GRB10: variants seen among roughly 807,000 people sequenced by gnomAD.
The protein encoded by GRB10 is growth factor receptor bound protein 10.
A neutral mutation model predicts 80.9 loss-of-function variants in GRB10; 20 were observed. That is an observed-to-expected ratio of 0.25 (90% CI 0.17 to 0.36). The LOEUF (loss-of-function observed/expected upper bound fraction) is 0.36, where lower values mean the gene tolerates loss of function less well. GRB10 is among the 10% of genes least tolerant of loss of function. GRB10 has a pLI of 1.00. For synonymous variants in GRB10, 291 were observed against 291.5 expected (o/e 1.00, Z 0.02); for missense variants, 548 against 747.7 (o/e 0.73, Z 3.12).
chr7:50,684,198 AGTCTAG>A (rs887437716), intron 5 of GRB10, among the ~76,000 whole-genome samples: 1 of 147,080 alleles, frequency 6.8e-6, no homozygotes, highest in Non-Finnish European at 1.5e-5. Context: ...CAAAGGCTAA[AGTCTAG>A]GACAAACTTC....
chr7:50,687,243 C>T (rs951214970), intron 5 of GRB10, among the ~76,000 whole-genome samples: 5 of 152,178 alleles, frequency 3.3e-5, no homozygotes, highest in Admixed American at 2.6e-4. Flanking sequence ...AAATGGATGG[C>T]ATGTGTCCAA....
chr7:50,659,748 T>C (rs1484604720), intron 7 of GRB10, among the ~76,000 whole-genome samples: 1 of 152,182 alleles, frequency 6.6e-6, no homozygotes, highest in East Asian at 1.9e-4. Context: ...AGAACATCCA[T>C]CCTTCAGTGG....
intron 7 of GRB10, among the ~76,000 whole-genome samples, chr7:50,657,113 C>T (rs1389280163): frequency 6.6e-6 from 1 of 152,148 alleles, no homozygotes; most frequent in Admixed American, 6.5e-5. Flanking sequence ...CTAAGAAACA[C>T]AGAAAATACT....
intron 2 of GRB10, among the ~76,000 whole-genome samples, chr7:50,767,017 T>G (rs1255037304): frequency 6.6e-6 from 1 of 152,180 alleles, no homozygotes; most frequent in African/African-American, 2.4e-5. Context: ...TATCATACAG[T>G]AGCACAAGAT....
In GRB10 at chr7:50,745,320, G is replaced by A. The variant is rs148690109; in HGVS notation, c.-47+10567C>T. On this transcript the variant is annotated intron_variant, in intron 3 of 18. Transcript: ENST00000401949. ...TTAATATTTTTCTAAATTCATTAAA[G>A]ATTTGTTTCTACCTTTGGAATCCTT... is the stretch of plus-strand genomic sequence containing the variant. 1.2e-4 allele frequency among the ~76,000 whole-genome samples: 18 copies of A among 152,296 alleles called. No homozygotes were observed. The East Asian group carries it at 3.5e-3, about 29-fold the overall frequency.
chr7:50,716,789 C>T (rs553697181), intron 4 of GRB10, among the ~76,000 whole-genome samples: 20 of 152,322 alleles, frequency 1.3e-4, no homozygotes, highest in East Asian at 3.9e-4. Context: ...CCTCGCCCAA[C>T]GGCTGGCGTG....
chr7:50,646,907 G>T (rs993856378), intron 7 of GRB10, among the ~76,000 whole-genome samples: 1 of 152,162 alleles, frequency 6.6e-6, no homozygotes, highest in African/African-American at 2.4e-5. Context: ...TGGTAAGGCC[G>T]GTGGGGCCAG....
At chr7:50,764,754 G>A (rs2076150853) in intron 2 of GRB10, among the ~76,000 whole-genome samples, 1 of 152,196 alleles carries the variant, frequency 6.6e-6, no homozygotes, top group Non-Finnish European at 1.5e-5. Flanking sequence ...CCCACAGAGT[G>A]CTTCACACAG....
intron 2 of GRB10, among the ~76,000 whole-genome samples, chr7:50,761,226 G>A (rs1008485860): frequency 1.3e-5 from 2 of 152,136 alleles, no homozygotes; most frequent in Non-Finnish European, 2.9e-5. Context: ...CCTGCCACAC[G>A]GTTTGTGATT....
At chr7:50,695,865 G>C in intron 5 of GRB10, among the ~76,000 whole-genome samples, 1 of 151,686 alleles carries the variant, frequency 6.6e-6, no homozygotes, top group East Asian at 1.9e-4. Flanking sequence ...AATATTACAA[G>C]GTGAATAAAA....
At chr7:50,788,250 CAAAT>C (rs1427675027) in intron 1 of GRB10, among the ~76,000 whole-genome samples, 2 of 152,166 alleles carry the variant, frequency 1.3e-5, no homozygotes, top group Non-Finnish European at 2.9e-5. Flanking sequence ...AGTTAAAAAT[CAAAT>C]AAGTAAACTA....
At chr7:50,649,615 T>C (rs1413153941) in intron 7 of GRB10, among the ~76,000 whole-genome samples, 1 of 152,130 alleles carries the variant, frequency 6.6e-6, no homozygotes, top group Non-Finnish European at 1.5e-5. Context: ...CTAGAAATCA[T>C]ACAAGAGCTG....
chr7:50,771,537 G>C (rs1176506065), intron 2 of GRB10, among the ~76,000 whole-genome samples: 1 of 152,112 alleles, frequency 6.6e-6, no homozygotes, highest in African/African-American at 2.4e-5. Context: ...TGCCCCCCTG[G>C]GGTTGCCAAC....
At chr7:50,663,770 G>T (rs916474514) in intron 7 of GRB10, among the ~76,000 whole-genome samples, 13 of 152,232 alleles carry the variant, frequency 8.5e-5, no homozygotes, top group African/African-American at 2.9e-4. Flanking sequence ...ATCCCAGCTT[G>T]CTGAGCCCTT....
intron 3 of GRB10, among the ~76,000 whole-genome samples, chr7:50,755,409 G>A (rs740155): frequency 0.092 from 13,992 of 152,194 alleles, 906 homozygotes; most frequent in East Asian, 0.19. Flanking sequence ...AGTACTGACT[G>A]AGGCAGGGGC....
At chr7:50,736,501 T>C (rs1300469764) in intron 3 of GRB10, among the ~76,000 whole-genome samples, 2 of 151,888 alleles carry the variant, frequency 1.3e-5, no homozygotes, top group Non-Finnish European at 2.9e-5. Context: ...AATAAATGAA[T>C]GGTTCTGGGG....
chr7:50,621,924 C>T (rs1414256104), intron 8 of GRB10, among the ~76,000 whole-genome samples: 1 of 152,210 alleles, frequency 6.6e-6, no homozygotes, highest in Non-Finnish European at 1.5e-5. Context: ...TTGCCTTAAC[C>T]CTTGCAGCTA....
intron 17 of GRB10, among the ~76,000 whole-genome samples, chr7:50,599,614 A>G (rs976648800): frequency 7.9e-5 from 12 of 152,234 alleles, no homozygotes; most frequent in Non-Finnish European, 1.3e-4. Context: ...GGCTCCAGGG[A>G]GGACGGAGAG....
At chr7:50,745,679 A>C (rs1241241707) in intron 3 of GRB10, among the ~76,000 whole-genome samples, 3 of 152,224 alleles carry the variant, frequency 2.0e-5, no homozygotes, top group Admixed American at 2.0e-4. Context: ...ATGCTCTATA[A>C]AACAGCCCTT....
Sources: gnomAD v4.1 joint callset for allele counts (sites outside exome capture counted in the v4.1 genomes callset) on GRCh38, gnomAD v4.1.1 for gene constraint, MANE v1.5 for transcripts, NCBI Gene and HGNC (gene_info 2026-07-23, HGNC 2026-07-21) for gene names.